Variants in ADGRB1 observed in about 807,000 individuals in gnomAD.
ADGRB1 encodes the protein brain-specific angiogenesis inhibitor 1.
Under a neutral mutation model 175.7 loss-of-function variants are expected in ADGRB1, and 36 were observed. The ratio of observed to expected loss-of-function variants is 0.20; its 90% CI spans 0.16 to 0.27. The LOEUF (loss-of-function observed/expected upper bound fraction) is 0.27. Among genes scored for constraint, ADGRB1 ranks in the 10% least tolerant of loss-of-function variants. ADGRB1 has a pLI of 1.00. For synonymous variants in ADGRB1, 1,054 were observed against 979.4 expected, an observed-to-expected ratio of 1.08 and a Z score of -1.42; for missense variants, 1,731 against 2,255.3, an observed-to-expected ratio of 0.77 and a Z score of 4.71.
chr8:142,488,337 C>A (rs772367976), intron 13 of ADGRB1, 27 bp from the exon 14 acceptor site: 2 of 1,611,842 alleles, frequency 1.2e-6, no homozygotes, highest in East Asian at 4.5e-5. Context: ...TCCTCTCTGT[C>A]TCTCCCGCCT....
chr8:142,520,962 A>C, intron 20 of ADGRB1, 37 bp downstream of exon 20: 11 of 1,558,382 alleles, frequency 7.1e-6, no homozygotes, highest in Non-Finnish European at 8.8e-6. Context: ...ACTTCCCAAC[A>C]TCCTCGGGTG....
intron 1 of ADGRB1, among the ~76,000 whole-genome samples, chr8:142,456,751 C>T (rs1057142241): frequency 9.2e-5 from 14 of 152,274 alleles, no homozygotes; most frequent in African/African-American, 1.9e-4. Flanking sequence ...CATAACACCG[C>T]GGCCTGCCCG....
At position 142,455,410 on chromosome 8, in the gene ADGRB1, T is replaced by C. The variant is rs1839614363; in HGVS notation, c.-220+5306T>C. On this transcript the variant is annotated intron_variant, in intron 1 of 30. Transcript: ENST00000517894. This position sits in a 1 kb window ranked among gnomAD's most constrained non-coding sequence, Gnocchi z 4.9. ...CTCTCGGGCATCCCTCTCTGGGGCTTGGTCAGGGGAAGGGCACGACAGAAG... is the reference window on the plus strand; with the variant it reads ...CTCTCGGGCATCCCTCTCTGGGGCTCGGTCAGGGGAAGGGCACGACAGAAG... Among the ~76,000 whole-genome samples, 1 of 151,996 alleles carries C rather than the reference T, an allele frequency of 6.6e-6. No homozygotes were observed. The highest frequency in any genetic ancestry group is 1.5e-5 in the Non-Finnish European group (1 of 68,008).
chr8:142,477,308 A>G (rs747456468), intron 5 of ADGRB1, 30 bp downstream of exon 5: 6 of 1,534,364 alleles, frequency 3.9e-6, no homozygotes, highest in African/African-American at 1.4e-5. Flanking sequence ...GGGGCAGCGG[A>G]CAGCCAGGGC....
intron 18 of ADGRB1, among the ~76,000 whole-genome samples, chr8:142,512,458 G>A (rs981946895): frequency 1.3e-5 from 2 of 152,214 alleles, no homozygotes; most frequent in African/African-American, 4.8e-5. Context: ...CCAGTCTCCG[G>A]GTGCTGCTCT....
In ADGRB1 at chr8:142,520,832, C is replaced by T; in HGVS notation, c.2931C>T (p.Arg977=). The change falls in exon 20 of 31, where the codon CGC becomes CGT. Residue 977 remains arginine (R), a synonymous_variant. Transcript: ENST00000517894. The part of the protein sequence containing the change: ...IIYVSVWRYI[R]SERSVILINF... ...CCTGCACTCTCCACAGGTACATTCG[C>T]TCAGAGCGTTCTGTCATCCTCATCA... 1 of 1,613,540 alleles carries T rather than the reference C, an allele frequency of 6.2e-7. No individual in the cohort carries two copies. Among genetic ancestry groups the T allele is most frequent in the Non-Finnish European group, 8.5e-7 (1 of 1,179,634 alleles).
At chr8:142,521,903 T>C in intron 20 of ADGRB1, 62 bp from the exon 21 acceptor site, 1 of 1,525,248 alleles carries the variant, frequency 6.6e-7, no homozygotes, top group African/African-American at 1.4e-5. Context: ...AGGCACTCAG[T>C]GGGGACAGGT....
At chr8:142,539,330 G>T in intron 26 of ADGRB1, 44 bp from the exon 27 acceptor site, 2 of 1,546,454 alleles carry the variant, frequency 1.3e-6, no homozygotes, top group South Asian at 1.2e-5. Context: ...ACACACCCCC[G>T]CTCCCAGAGG....
intron 1 of ADGRB1, among the ~76,000 whole-genome samples, chr8:142,460,671 G>A (rs1839925391): frequency 6.6e-6 from 1 of 152,190 alleles, no homozygotes; most frequent in Non-Finnish European, 1.5e-5. Flanking sequence ...CCAGGTCCCT[G>A]CCAGGGCACT....
At chr8:142,512,350 G>A (rs1843152757) in intron 18 of ADGRB1, among the ~76,000 whole-genome samples, 1 of 152,226 alleles carries the variant, frequency 6.6e-6, no homozygotes, top group African/African-American at 2.4e-5. Flanking sequence ...CCTGGAAGAG[G>A]TGGCCTTCTG....
chr8:142,473,502 A>T lies in ADGRB1; in HGVS notation c.785-1972A>T, dbSNP rs186484272. ...TCCTTGTCCTGAGTTAGGGCATGTG[A>T]CAGGGCAGCCACGAAGGGCCTGTCA... On this transcript the variant is annotated intron_variant, in intron 2 of 30. Transcript: ENST00000517894. Among the ~76,000 whole-genome samples, 70 of 152,278 alleles carry T rather than the reference A, an allele frequency of 4.6e-4. 1 individual carries two copies. In the Middle Eastern group the frequency reaches 0.01, roughly 22 times the overall value.
chr8:142,527,279 G>A (rs1406107773), intron 24 of ADGRB1, among the ~76,000 whole-genome samples: 2 of 152,160 alleles, frequency 1.3e-5, no homozygotes, highest in South Asian at 2.1e-4. Flanking sequence ...GCCCCTCTTG[G>A]TCCTCCCGCC....
chr8:142,506,669 G>A (rs767471457), intron 17 of ADGRB1, among the ~76,000 whole-genome samples: 2 of 152,196 alleles, frequency 1.3e-5, no homozygotes, highest in African/African-American at 4.8e-5. Context: ...TCAGACTTTC[G>A]GGGGAACTTC....
Position 142,481,541 on chromosome 8 carries a change from C to A in ADGRB1, c.1960C>A (p.Gln654Lys). 1 of 1,590,066 alleles carries A rather than the reference C, an allele frequency of 6.3e-7. No homozygotes were observed. Among genetic ancestry groups the A allele is most frequent in the Non-Finnish European group, 8.6e-7 (1 of 1,167,814 alleles). ...MMTREHLAKA[Q>K]RGLPGEGVSE... ...GACCCGGGAGCACCTGGCCAAGGCT[C>A]AGCGAGGGCTGCCTGGGGAGGGGGT... The change falls in exon 11 of 31, where the codon CAG (glutamine) becomes AAG (lysine). Residue 654 changes from glutamine (Q) to lysine (K), a missense_variant. By Grantham distance (53) the Gln-to-Lys change is moderately conservative. Coordinates refer to ENST00000517894, the MANE Select transcript of ADGRB1 (RefSeq NM_001702.3).
intron 24 of ADGRB1, among the ~76,000 whole-genome samples, chr8:142,527,921 C>T (rs894048966): frequency 1.3e-4 from 20 of 152,354 alleles, no homozygotes; most frequent in African/African-American, 4.3e-4. Context: ...GCCAGGTGGG[C>T]ACACACTAGA....
In ADGRB1 at chr8:142,464,519, C is replaced by G. The variant is rs762732885; in HGVS notation, c.321C>G (p.Phe107Leu). Reference sequence around the variant, plus strand: ...TGCGCACCTACCAGTTCGACTCCTTCCTCGAGTCCACGCGCACCTACCTGG... The same window carrying G: ...TGCGCACCTACCAGTTCGACTCCTTGCTCGAGTCCACGCGCACCTACCTGG... ...GRVRTYQFDS[F>L]LESTRTYLGV... is the part of the protein sequence containing the mutation. The change falls in exon 2 of 31, where the codon TTC (phenylalanine) becomes TTG (leucine). Residue 107 changes from phenylalanine (F) to leucine (L), a missense_variant. Physicochemically the swap from Phe to Leu is conservative, Grantham distance 22. This residue lies in a region of ADGRB1 where 383 missense variants were observed against 383.1 expected (regional missense o/e 1.00). Transcript: ENST00000517894. The G allele has an allele frequency of 2.5e-6, 4 of 1,577,316 alleles. No homozygotes were observed. The South Asian group carries it at 4.6e-5, about 18-fold the overall frequency.
chr8:142,460,045 C>A (rs1032163350), intron 1 of ADGRB1, among the ~76,000 whole-genome samples: 1 of 152,276 alleles, frequency 6.6e-6, no homozygotes, highest in Non-Finnish European at 1.5e-5. Flanking sequence ...GCCATGTGAC[C>A]TGGGCTGCAG....
chr8:142,537,977 G>T lies in ADGRB1; in HGVS notation c.3666+895G>T, dbSNP rs376613221. Among the ~76,000 whole-genome samples, 17 of 152,144 alleles carry T rather than the reference G, an allele frequency of 1.1e-4. No homozygotes were observed. Among genetic ancestry groups the T allele is most frequent in the East Asian group, 5.8e-4 (3 of 5,180 alleles). ...CACCCAGAGGCTAGCACACAGGGTG[G>T]AGCCAGGCCCCCTTCTCCACCCTCT... On this transcript the variant is annotated intron_variant, in intron 26 of 30. Coordinates refer to ENST00000517894, the MANE Select transcript of ADGRB1 (RefSeq NM_001702.3). This position sits in a 1 kb window ranked among gnomAD's most constrained non-coding sequence, Gnocchi z 4.6.
intron 1 of ADGRB1, among the ~76,000 whole-genome samples, chr8:142,453,038 CCGCCCGCTCGCTCGCT>C (rs956339346): frequency 0.017 from 2,078 of 119,896 alleles, 38 homozygotes; most frequent in African/African-American, 0.079. Flanking sequence ...GCCCGCCCGC[CCGCCCGCTCGCTCGCT>C]CGCTCGCCGT....
Sources: gnomAD v4.1 joint callset for allele counts (sites outside exome capture counted in the v4.1 genomes callset) on GRCh38, gnomAD v4.1.1 for gene constraint, gnomAD v4.1.1 regional missense constraint, Gnocchi (gnomAD v3.1) non-coding constraint, MANE v1.5 for transcripts, NCBI Gene and HGNC (gene_info 2026-07-23, HGNC 2026-07-21) for gene names.